Variants in EPB41L1 observed in about 807,000 individuals in gnomAD.
The protein encoded by EPB41L1 is erythrocyte membrane protein band 4.1 like 1, also known as band 4.1-like protein 1.
A neutral mutation model predicts 97.8 loss-of-function variants in EPB41L1; 29 were observed. The observed-to-expected ratio is 0.30, with a 90% CI of 0.22 to 0.40. The LOEUF (loss-of-function observed/expected upper bound fraction) is 0.40. Among genes scored for constraint, EPB41L1 ranks in the 10% least tolerant of loss-of-function variants. The pLI, the probability that EPB41L1 is intolerant of heterozygous loss-of-function variation, is 1.00. For missense variants in EPB41L1, 812 were observed against 1,162.3 expected (o/e 0.70, Z 4.38); for synonymous variants, 383 against 459.2 (o/e 0.83, Z 2.12).
intron 14 of EPB41L1, chr20:36,205,806 C>T (rs2062766204): frequency 1.6e-6 from 2 of 1,255,174 alleles, no homozygotes; most frequent in African/African-American, 3.1e-5. Flanking sequence ...CTTCAGGTAC[C>T]TGATATTTCA....
At chr20:36,122,723 T>C (rs2058794901) in intron 2 of EPB41L1, 1 of 152,282 alleles carries the variant, frequency 6.6e-6, no homozygotes, top group South Asian at 2.1e-4. Context: ...CGCAGACTTC[T>C]AGTCCTGGTT....
Position 36,198,025 on chromosome 20 carries a change from C to G in EPB41L1, c.1652C>G (p.Pro551Arg), listed in dbSNP as rs146596538. Residue 551 changes from proline (P) to arginine (R), a missense_variant, in exon 14 of 22, where the codon CCT becomes CGT. Transcript: ENST00000338074. ...GCCTCCCCCTCCCCCAAGGGCACCC[C>G]TGAGAAAGCCAATGAGGTAGGTGTC... Reference protein sequence around the residue: ...SPASPSPKGTPEKANERAGLR... With the variant: ...SPASPSPKGTREKANERAGLR... 69 of 1,613,460 alleles carry G rather than the reference C, an allele frequency of 4.3e-5. No individual in the cohort carries two copies. Among genetic ancestry groups the G allele is most frequent in the Non-Finnish European group, 5.5e-5 (65 of 1,179,980 alleles).
At chr20:36,175,812 G>A in intron 3 of EPB41L1, 97 bp downstream of exon 3, 3 of 1,325,400 alleles carry the variant, frequency 2.3e-6, no homozygotes, top group Non-Finnish European at 3.2e-6. Context: ...CCAAACCAGA[G>A]GAGTCCTGGA....
rs893075665 is a variant in EPB41L1, at chr20:36,093,424, C to T, written c.-65+1812C>T. Among the ~76,000 whole-genome samples the T allele has an allele frequency of 2.0e-5, 3 of 149,712 alleles. No individual in the cohort carries two copies. Among genetic ancestry groups the T allele is most frequent in the Admixed American group, 2.0e-4 (3 of 15,104 alleles). ...CCCGCGTAGCCCCCGTGTGCGTGTG[C>T]GCGGCTTTGTCTTCGCACTGCCGGG... On this transcript the variant is annotated intron_variant, in intron 1 of 19. Coordinates refer to the EPB41L1 transcript ENST00000202028. The surrounding 1 kb of genome is among the most constrained non-coding windows in gnomAD (Gnocchi z 5.4).
chr20:36,116,624 C>T (rs1322205184), intron 2 of EPB41L1, among the ~76,000 whole-genome samples: 1 of 152,202 alleles, frequency 6.6e-6, no homozygotes, highest in Non-Finnish European at 1.5e-5. Flanking sequence ...CCAGACAGCA[C>T]AGTGCTCCAG....
intron 2 of EPB41L1, among the ~76,000 whole-genome samples, chr20:36,131,071 G>T (rs1484798246): frequency 6.6e-6 from 1 of 151,890 alleles, no homozygotes; most frequent in East Asian, 1.9e-4. Flanking sequence ...TGCCTCCTGG[G>T]TTCAAGTGAT....
At chr20:36,166,863 CA>C (rs199803008) in intron 1 of EPB41L1, among the ~76,000 whole-genome samples, 1 of 149,884 alleles carries the variant, frequency 6.7e-6, no homozygotes, top group African/African-American at 2.5e-5. Flanking sequence ...AGACTGTCTC[CA>C]AAAAAAAAGA....
intron 2 of EPB41L1, among the ~76,000 whole-genome samples, chr20:36,121,338 T>A (rs2058746759): frequency 6.6e-6 from 1 of 152,176 alleles, no homozygotes; most frequent in Non-Finnish European, 1.5e-5. Context: ...GTGACAAAGA[T>A]GTCTCTTGGT....
intron 1 of EPB41L1, among the ~76,000 whole-genome samples, chr20:36,169,983 G>A (rs540721052): frequency 6.6e-6 from 1 of 152,348 alleles, no homozygotes; most frequent in Non-Finnish European, 1.5e-5. Flanking sequence ...TAGCCGCACA[G>A]CAGGCTCCAT....
At chr20:36,107,828 T>TA (rs879893254) in intron 1 of EPB41L1, among the ~76,000 whole-genome samples, 7,624 of 143,714 alleles carry the variant, frequency 0.053, 631 homozygotes, top group African/African-American at 0.18. Flanking sequence ...GACTCCATCT[T>TA]AAAAAAAAAA....
intron 21 of EPB41L1, among the ~76,000 whole-genome samples, chr20:36,227,894 T>G (rs968352241): frequency 6.6e-6 from 1 of 152,164 alleles, no homozygotes; most frequent in Non-Finnish European, 1.5e-5. Flanking sequence ...CCCACCTCCT[T>G]CAGAGAGGAC....
intron 2 of EPB41L1, among the ~76,000 whole-genome samples, chr20:36,129,522 T>C (rs1307483448): frequency 3.3e-5 from 5 of 152,076 alleles, no homozygotes; most frequent in African/African-American, 9.7e-5. Flanking sequence ...AGGGCAAGCA[T>C]TGGGTCACTA....
At chr20:36,160,947 C>T (rs919728895) in intron 1 of EPB41L1, among the ~76,000 whole-genome samples, 23 of 152,154 alleles carry the variant, frequency 1.5e-4, no homozygotes, top group Non-Finnish European at 2.5e-4. Context: ...TCCAATTTTA[C>T]GGTATTCTAA....
intron 1 of EPB41L1, among the ~76,000 whole-genome samples, chr20:36,157,964 A>G (rs903504531): frequency 5.3e-5 from 8 of 152,182 alleles, no homozygotes; most frequent in Non-Finnish European, 1.0e-4. Flanking sequence ...AACAGCTAAC[A>G]TTTATTGAGC....
At position 36,232,379 on chromosome 20, in the gene EPB41L1, A is replaced by T; in HGVS notation, c.*3039A>T. 2.7e-6 allele frequency: 1 copy of T among 370,362 alleles called. No homozygotes were observed. Among genetic ancestry groups the T allele is most frequent in the Non-Finnish European group, 4.8e-6 (1 of 208,790 alleles). The allele number at this position is 370,362 out of a possible 1,614,324, so 22.9% of individuals were successfully genotyped here. On this transcript the variant is annotated 3_prime_UTR_variant, in exon 22 of 22. Coordinates refer to ENST00000338074, the MANE Select transcript of EPB41L1 (RefSeq NM_012156.2). ...CACCATGTGACATCAGGCTATCCCC[A>T]TTCCCCCTCTTGGGCCTCAGTTTCC...
intron 2 of EPB41L1, among the ~76,000 whole-genome samples, chr20:36,118,374 AAC>A (rs1029267402): frequency 4.1e-4 from 62 of 151,992 alleles, no homozygotes; most frequent in Non-Finnish European, 6.9e-4. Context: ...AAAAAAAAGA[AAC>A]ACAGAGTGTA....
intron 1 of EPB41L1, among the ~76,000 whole-genome samples, chr20:36,163,768 C>T (rs781768254): frequency 6.6e-6 from 1 of 152,164 alleles, no homozygotes; most frequent in Non-Finnish European, 1.5e-5. Flanking sequence ...CAGAGGGGCT[C>T]AGCCACCACC....
At chr20:36,161,850 T>A (rs2060537576) in intron 1 of EPB41L1, among the ~76,000 whole-genome samples, 1 of 151,932 alleles carries the variant, frequency 6.6e-6, no homozygotes, top group African/African-American at 2.4e-5. Flanking sequence ...GACCTCAAAC[T>A]CCCAGGCTCT....
intron 12 of EPB41L1, 38 bp downstream of exon 12, chr20:36,194,398 A>G (rs1202017602): frequency 1.3e-6 from 2 of 1,571,812 alleles, no homozygotes. Context: ...TGCCCTGGGG[A>G]TCAGGAGGCT....
Sources: allele counts gnomAD v4.1 joint callset (sites outside exome capture counted in the v4.1 genomes callset), GRCh38; gene constraint gnomAD v4.1.1; non-coding constraint Gnocchi (gnomAD v3.1); transcripts MANE v1.5; gene names NCBI Gene and HGNC (gene_info 2026-07-23, HGNC 2026-07-21).